The following IFT70A variants were observed in gnomAD, a reference collection of about 807,000 sequenced individuals.
The protein encoded by IFT70A is intraflagellar transport protein 70A.
the IFT70A span, chr2:177,613,586 A>G: frequency 2.6e-5 from 4 of 152,208 alleles, no homozygotes; most frequent in Non-Finnish European, 1.5e-5. Flanking sequence ...GTTGAGACTT[A>G]AGATCTTGAG....
At chr2:177,616,034 T>G in the IFT70A span, 26 of 152,240 alleles carry the variant, frequency 1.7e-4, no homozygotes, top group Admixed American at 1.6e-3. Context: ...TTATAAAACT[T>G]AAGAAGCAAC....
chr2:177,614,441 A>C, the IFT70A span: 1 of 152,148 alleles, frequency 6.6e-6, no homozygotes, highest in Non-Finnish European at 1.5e-5. Flanking sequence ...ATATAAAAAA[A>C]CTTCACTCTA....
chr2:177,617,481 TTCA>T, the IFT70A span: 2 of 1,614,206 alleles, frequency 1.2e-6, no homozygotes, highest in Non-Finnish European at 1.7e-6. Flanking sequence ...TTTTGATAGC[TTCA>T]TCATCTCTGT....
the IFT70A span, chr2:177,616,748 G>A: frequency 6.4e-7 from 1 of 1,557,024 alleles, no homozygotes; most frequent in South Asian, 1.3e-5. Flanking sequence ...GCTTTCAATT[G>A]TCTGGACTCA....
chr2:177,617,252 G>A, the IFT70A span: 23 of 1,582,232 alleles, frequency 1.5e-5, no homozygotes, highest in South Asian at 2.4e-4. Flanking sequence ...TTGACTATGG[G>A]TTCATAGAAA....
the IFT70A span, chr2:177,613,428 A>G: frequency 6.6e-6 from 1 of 152,232 alleles, no homozygotes; most frequent in Non-Finnish European, 1.5e-5. Context: ...ATGGTACTTC[A>G]TGACTAAAAA....
chr2:177,615,639 A>G, the IFT70A span: 1 of 152,166 alleles, frequency 6.6e-6, no homozygotes, highest in Non-Finnish European at 1.5e-5. Context: ...AAATACAATT[A>G]TATATTTCCT....
the IFT70A span, chr2:177,616,671 A>G: frequency 0.018 from 27,034 of 1,471,344 alleles, 538 homozygotes; most frequent in South Asian, 0.076. Context: ...TACGTAAGAA[A>G]GCCATTTTGA....
the IFT70A span, chr2:177,617,838 C>A: frequency 6.2e-7 from 1 of 1,614,078 alleles, no homozygotes; most frequent in African/African-American, 1.3e-5. Context: ...TGTGCAGGGT[C>A]ACAGGGTCCA....
the IFT70A span, chr2:177,617,487 ATC>A: frequency 1.6e-5 from 26 of 1,614,078 alleles, no homozygotes; most frequent in East Asian, 5.3e-4. Context: ...TAGCTTCATC[ATC>A]TCTGTTGTGT....
chr2:177,616,449 ACTCT>A, the IFT70A span: 2 of 317,698 alleles, frequency 6.3e-6, no homozygotes, highest in Non-Finnish European at 1.1e-5. Flanking sequence ...CAAAGATGTT[ACTCT>A]AGCAATTGTT....
At chr2:177,618,706 AC>A in the IFT70A span, 2 of 1,556,472 alleles carry the variant, frequency 1.3e-6, no homozygotes, top group Non-Finnish European at 1.7e-6. Flanking sequence ...AGCCATAACC[AC>A]CACGGCTGTT....
chr2:177,614,637 G>A, the IFT70A span: 2 of 152,140 alleles, frequency 1.3e-5, no homozygotes, highest in African/African-American at 4.8e-5. Context: ...ACTGCTAAAA[G>A]GTTGTTATGC....
chr2:177,616,855 A>G, the IFT70A span: 1 of 1,595,066 alleles, frequency 6.3e-7, no homozygotes, highest in Non-Finnish European at 8.5e-7. Context: ...ACAGTGTCCT[A>G]AAAACTGGAC....
At chr2:177,615,033 G>C in the IFT70A span, 1 of 152,318 alleles carries the variant, frequency 6.6e-6, no homozygotes, top group East Asian at 1.9e-4. Flanking sequence ...TTTCCATTCT[G>C]TTATCCATTA....
chr2:177,616,374 C>T, the IFT70A span: 2 of 191,756 alleles, frequency 1.0e-5, no homozygotes, highest in Admixed American at 1.2e-4. Context: ...TGCTTTGGTC[C>T]ATGACATACC....
the IFT70A span, chr2:177,618,405 A>G: frequency 2.2e-5 from 35 of 1,612,660 alleles, no homozygotes; most frequent in Middle Eastern, 4.9e-4. Flanking sequence ...AGGCGACCCG[A>G]GTGGCCTCCG....
chr2:177,613,975 G>A, the IFT70A span: 2 of 152,118 alleles, frequency 1.3e-5, no homozygotes, highest in African/African-American at 2.4e-5. Flanking sequence ...CACTAGAAAT[G>A]TACTTATAAG....
chr2:177,616,108 A>G, the IFT70A span: 1 of 152,234 alleles, frequency 6.6e-6, no homozygotes, highest in South Asian at 2.1e-4. Context: ...GAAAAGAACC[A>G]AGAAAAGAAA....
Sources: gnomAD v4.1 joint callset for allele counts on GRCh38, gnomAD v4.1.1 for gene constraint, MANE v1.5 for transcripts, NCBI Gene and HGNC (gene_info 2026-07-23, HGNC 2026-07-21) for gene names.